Variants in KRT71 observed in about 807,000 individuals in gnomAD.
KRT71 encodes keratin, type II cytoskeletal 71.
A neutral mutation model predicts 46.2 loss-of-function variants in KRT71; 42 were observed. The observed-to-expected ratio is 0.91, with a 90% confidence interval of 0.71 to 1.18. KRT71 has a LOEUF of 1.18. Ranked by LOEUF, KRT71 falls within the 50% of genes most tolerant of loss-of-function variation. The pLI is 0.00. For missense variants in KRT71, 708 were observed against 677.9 expected (o/e 1.04, Z -0.49); for synonymous variants, 292 against 277.8 (o/e 1.05, Z -0.51).
Position 52,547,841 on chromosome 12 carries a change from G to A in KRT71, c.1104+16C>T. On this transcript the variant is annotated intron_variant, in intron 6 of 8. Transcript: ENST00000267119. Reference sequence around the variant, plus strand: ...CCCCTGCACTTGACCACAGGCCAAGGCCAACGTGCTCTCACCTGCTTCTTC... The same window carrying A: ...CCCCTGCACTTGACCACAGGCCAAGACCAACGTGCTCTCACCTGCTTCTTC... 1 of 1,613,220 alleles carries A rather than the reference G, an allele frequency of 6.2e-7. No homozygotes were observed. The highest frequency in any genetic ancestry group is 1.1e-5 in the South Asian group (1 of 90,896).
In KRT71 at chr12:52,552,580, T is replaced by C; in HGVS notation, c.441+57A>G. 2.6e-6 allele frequency: 4 copies of C among 1,513,322 alleles called. No homozygotes were observed. In the South Asian group the frequency reaches 5.1e-5, roughly 19 times the overall value. 93.7% of individuals were successfully genotyped at this position (1,513,322 alleles called of 1,614,324 possible). A position where few individuals can be genotyped will look rare whatever the true frequency, so the allele number is the denominator to read the frequency against. The stretch of plus-strand genomic sequence containing the variant: ...TCTCCTGCTGTAACAAAATCGTATG[T>C]TCCAAGAAGAGAAGAGGAGGGCTGT... On this transcript the variant is annotated intron_variant, in intron 1 of 8. Coordinates refer to ENST00000267119, the MANE Select transcript of KRT71 (RefSeq NM_033448.3).
At chr12:52,548,477 G>A (rs1323536727) in intron 4 of KRT71, among the ~76,000 whole-genome samples, 161 bp from the exon 5 acceptor site, 3 of 152,220 alleles carry the variant, frequency 2.0e-5, no homozygotes, top group Non-Finnish European at 2.9e-5. Flanking sequence ...CAAGTTCCCT[G>A]CTGGGCCCAG....
rs201100550 is a variant in KRT71, at chr12:52,547,904, G to A, written c.1057C>T (p.Arg353Trp). The A allele has an allele frequency of 3.5e-5, 57 of 1,614,148 alleles. No individual in the cohort carries two copies. The highest frequency in any genetic ancestry group is 3.0e-4 in the Admixed American group (18 of 60,028). The change falls in exon 6 of 9, where the codon CGG (arginine) becomes TGG (tryptophan). Residue 353 changes from arginine (R) to tryptophan (W), a missense_variant. Physicochemically the swap from Arg to Trp is moderately radical, Grantham distance 101. Coordinates refer to ENST00000267119, the MANE Select transcript of KRT71 (RefSeq NM_033448.3). Reference sequence around the variant, plus strand: ...TCTGAGCGGATTCTCTGGATGAGCCGAGTGAGCTCCGAGATTTCATTCTTG... The same window carrying A: ...TCTGAGCGGATTCTCTGGATGAGCCAAGTGAGCTCCGAGATTTCATTCTTG... ...NTKNEISELTRLIQRIRSEIE... is the reference protein window; with the variant it reads ...NTKNEISELTWLIQRIRSEIE...
chr12:52,550,166 G>A lies in KRT71; in HGVS notation c.519C>T (p.Cys173=). The A allele has an allele frequency of 1.2e-6, 2 of 1,614,184 alleles. No homozygotes were observed. The highest frequency in any genetic ancestry group is 1.7e-6 in the Non-Finnish European group (2 of 1,180,040). Residue 173 remains cysteine, a synonymous_variant, in exon 2 of 9, where the codon TGC becomes TGT. Transcript: ENST00000267119. ...ELLQQLDLNN[C]KNNLEPILEG... is the part of the protein sequence containing the mutation. ...CGAGGATGGGCTCCAGGTTGTTCTT[G>A]CAGTTGTTCAGGTCCAGCTGCTGCA...
chr12:52,549,405 T>TCA, intron 2 of KRT71, 52 bp from the exon 3 acceptor site: 1 of 1,471,646 alleles, frequency 6.8e-7, no homozygotes, highest in Non-Finnish European at 9.5e-7. Context: ...AAGCCCTTGC[T>TCA]TTCACAGGGC....
Position 52,552,896 on chromosome 12 carries a change from C to T in KRT71, c.182G>A (p.Ser61Asn), listed in dbSNP as rs1202943226. 6.8e-6 allele frequency: 11 copies of T among 1,614,224 alleles called. No individual in the cohort carries two copies. The highest frequency in any genetic ancestry group is 1.6e-4 in the Middle Eastern group (1 of 6,062). The change falls in exon 1 of 9, where the codon AGT becomes AAT. Residue 61 changes from serine (S) to asparagine (N), a missense_variant. Coordinates refer to ENST00000267119, the MANE Select transcript of KRT71 (RefSeq NM_033448.3). The stretch of plus-strand genomic sequence containing the variant: ...ATAGCCTCCACTCTTCCCGCTGCCA[C>T]TGGCCACATTGAGGCTCCGGACACC... ...LGGVRSLNVA[S>N]GSGKSGGYGF...
chr12:52,544,813 G>T, intron 8 of KRT71, 70 bp from the exon 9 acceptor site: 5 of 1,357,566 alleles, frequency 3.7e-6, no homozygotes, highest in Non-Finnish European at 5.1e-6. Flanking sequence ...CCCCAGGGCA[G>T]ACAGGGCTTT....
At chr12:52,548,367 A>G (rs966073637) in intron 4 of KRT71, 51 bp from the exon 5 acceptor site, 5 of 1,558,852 alleles carry the variant, frequency 3.2e-6, no homozygotes, top group Middle Eastern at 1.7e-4. Flanking sequence ...TCGGAAGCCA[A>G]CCACCACCCC....
In KRT71 at chr12:52,546,385, G is replaced by A. The variant is rs1475470437; in HGVS notation, c.1226C>T (p.Ala409Val). ...GALHQAKEEL[A>V]RMLREYQELM... ...CTCCTGGTACTCGCGCAGCATCCGC[G>A]CCAGCTCCTCCTTGGCCTGGTGCAG... Residue 409 changes from alanine (A) to valine (V), a missense_variant, in exon 7 of 9, where the codon GCG becomes GTG. Physicochemically the swap from Ala to Val is moderately conservative, Grantham distance 64 (BLOSUM62 0). Coordinates refer to ENST00000267119, the MANE Select transcript of KRT71 (RefSeq NM_033448.3). 3.7e-6 allele frequency: 6 copies of A among 1,614,204 alleles called. No individual in the cohort carries two copies. Among genetic ancestry groups the A allele is most frequent in the African/African-American group, 2.7e-5 (2 of 75,074 alleles).
At position 52,545,599 on chromosome 12, in the gene KRT71, C is replaced by T; in HGVS notation, c.1326G>A (p.Arg442=). 2 of 1,520,998 alleles carry T rather than the reference C, an allele frequency of 1.3e-6. No individual in the cohort carries two copies. Among genetic ancestry groups the T allele is most frequent in the Non-Finnish European group, 1.8e-6 (2 of 1,100,412 alleles). The allele number at this position is 1,520,998 out of a possible 1,614,324, so 94.2% of individuals were successfully genotyped here. The change falls in exon 8 of 9, where the codon AGG becomes AGA. Residue 442 remains arginine, a splice_region_variant and synonymous_variant. Transcript: ENST00000267119. ...CAGGGGAGGGAAATTCTCCTGACATCCTATTAAGGAGAGAAATAAAATAAG... is the reference window on the plus strand; with the variant it reads ...CAGGGGAGGGAAATTCTCCTGACATTCTATTAAGGAGAGAAATAAAATAAG... ...YRKLLESEEC[R]MSGEFPSPVS...
chr12:52,550,644 G>A (rs538671006), intron 1 of KRT71, among the ~76,000 whole-genome samples: 1 of 152,362 alleles, frequency 6.6e-6, no homozygotes, highest in East Asian at 1.9e-4. Flanking sequence ...GCATGTCAGA[G>A]CTCAGTAAGG....
chr12:52,544,452 G>T lies in KRT71; in HGVS notation c.*80C>A. On this transcript the variant is annotated 3_prime_UTR_variant, in exon 9 of 9. Coordinates refer to ENST00000267119, the MANE Select transcript of KRT71 (RefSeq NM_033448.3). ...GCAGGACCAGCAGGGTGGAGATGGA[G>T]CTGAGAGTGGGCTGTGGGAAGTACA... 7.8e-7 allele frequency: 1 copy of T among 1,285,014 alleles called. No homozygotes were observed. 79.6% of individuals were successfully genotyped at this position (1,285,014 alleles called of 1,614,324 possible).
chr12:52,546,998 C>T (rs1216776133), intron 6 of KRT71, among the ~76,000 whole-genome samples: 2 of 152,192 alleles, frequency 1.3e-5, no homozygotes, highest in African/African-American at 2.4e-5. Flanking sequence ...ACTGTACATA[C>T]CATTGACATA....
intron 7 of KRT71, 57 bp from the exon 8 acceptor site, chr12:52,545,656 T>A: frequency 9.2e-7 from 1 of 1,083,272 alleles, no homozygotes; most frequent in Non-Finnish European, 1.4e-6. Context: ...CTCAGTCTCT[T>A]TAAAGCTACT....
chr12:52,550,313 G>T, intron 1 of KRT71, 70 bp from the exon 2 acceptor site: 2 of 1,560,802 alleles, frequency 1.3e-6, no homozygotes, highest in Non-Finnish European at 8.8e-7. Context: ...ACAGGGCATT[G>T]TGTAAAGCTT....
Position 52,548,241 on chromosome 12 carries a change from G to A in KRT71, c.889C>T (p.Leu297=). The part of the protein sequence containing the change: ...LSMDNNRNLD[L]DSIIDEVRTQ... The stretch of plus-strand genomic sequence containing the variant: ...CGGACTTCGTCAATGATGCTGTCCA[G>A]GTCTAGGTTCCGGTTGTTGTCCATG... Residue 297 remains leucine, a synonymous_variant, in exon 5 of 9, where the codon CTG becomes TTG. Transcript: ENST00000267119. 1.2e-6 allele frequency: 2 copies of A among 1,614,208 alleles called. No individual in the cohort carries two copies. The highest frequency in any genetic ancestry group is 1.7e-6 in the Non-Finnish European group (2 of 1,180,014).
Position 52,552,937 on chromosome 12 carries a change from G to C in KRT71, c.141C>G (p.Ser47Arg), listed in dbSNP as rs1939199148. 1.2e-6 allele frequency: 2 copies of C among 1,614,034 alleles called. No individual in the cohort carries two copies. Among genetic ancestry groups the C allele is most frequent in the African/African-American group, 1.3e-5 (1 of 74,948 alleles). The change falls in exon 1 of 9, where the codon AGC (serine) becomes AGG (arginine). Residue 47 changes from serine to arginine, a missense_variant. By Grantham distance (110) the Ser-to-Arg change is moderately radical. Coordinates refer to ENST00000267119, the MANE Select transcript of KRT71 (RefSeq NM_033448.3). ...TCCGGACACCCCCCAGGCTGTAGAG[G>C]CTCCGGCTGCCAAAGCCCCCACTGA... ...KGLSGGFGSR[S>R]LYSLGGVRSL...
rs549357041 is a variant in KRT71 at position 52,548,123 on chromosome 12, C to A, written c.978+29G>T. On this transcript the variant is annotated intron_variant, in intron 5 of 8. Coordinates refer to ENST00000267119, the MANE Select transcript of KRT71 (RefSeq NM_033448.3). The stretch of plus-strand genomic sequence containing the variant: ...CCATCTGCTGCCCGCTGGCATCACC[C>A]TCCCTGGCCCCACCTCAGCCCAGCT... The A allele has an allele frequency of 1.9e-6, 3 of 1,608,870 alleles. No homozygotes were observed. In the African/African-American group the frequency reaches 4.0e-5, roughly 21 times the overall value.
rs183320184 is a variant in KRT71 at position 52,546,858 on chromosome 12, G to A, written c.1105-352C>T. Among the ~76,000 whole-genome samples the A allele has an allele frequency of 1.6e-3, 246 of 152,362 alleles. 1 individual carries two copies. The highest frequency in any genetic ancestry group is 5.8e-3 in the African/African-American group (241 of 41,584). Reference sequence around the variant, plus strand: ...TCTGGGAGGAGAGATGGTCGAATATGCTGTGGCAGACGCAAAGGCAGCAGC... The same window carrying A: ...TCTGGGAGGAGAGATGGTCGAATATACTGTGGCAGACGCAAAGGCAGCAGC... On this transcript the variant is annotated intron_variant, in intron 6 of 8. Coordinates refer to ENST00000267119, the MANE Select transcript of KRT71 (RefSeq NM_033448.3).
Sources: allele counts gnomAD v4.1 joint callset (sites outside exome capture counted in the v4.1 genomes callset), GRCh38; gene constraint gnomAD v4.1.1; transcripts MANE v1.5; gene names NCBI Gene and HGNC (gene_info 2026-07-23, HGNC 2026-07-21).